ADARB2: variants seen among roughly 807,000 people sequenced by gnomAD.
The protein encoded by ADARB2 is inactive double-stranded RNA-specific editase B2.
In ADARB2, 25 loss-of-function variants were observed where a neutral mutation model predicts 62.2. The ratio of observed to expected loss-of-function variants is 0.40; its 90% CI spans 0.29 to 0.56. The LOEUF is 0.56. ADARB2 is among the 20% of genes least tolerant of loss of function. The pLI is 0.43. For missense variants in ADARB2, 1,071 were observed against 1,077.4 expected (o/e 0.99, Z 0.08); for synonymous variants, 572 against 500.8 (o/e 1.14, Z -1.90).
chr10:1,726,130 G>A lies in ADARB2; in HGVS notation c.100+10921C>T, dbSNP rs542229293. Among the ~76,000 whole-genome samples the A allele has an allele frequency of 1.4e-4, 22 of 152,302 alleles. No homozygotes were observed. In the South Asian group the frequency reaches 4.6e-3, roughly 32 times the overall value. On this transcript the variant is annotated intron_variant, in intron 1 of 9. Transcript: ENST00000381312. ...CCCAACTGCTGCAGCCAATATTCCTGTGGCCAAAAATGAGCAGAGCCTAGG... is the reference window on the plus strand; with the variant it reads ...CCCAACTGCTGCAGCCAATATTCCTATGGCCAAAAATGAGCAGAGCCTAGG...
chr10:1,218,153 A>T (rs972579967), intron 6 of ADARB2, among the ~76,000 whole-genome samples: 2 of 152,058 alleles, frequency 1.3e-5, no homozygotes, highest in Admixed American at 6.5e-5. Context: ...CAGGTTCAAG[A>T]GATTCTCCTG....
chr10:1,376,144 T>G (rs2131858314), intron 2 of ADARB2, among the ~76,000 whole-genome samples: 1 of 152,304 alleles, frequency 6.6e-6, no homozygotes, highest in Non-Finnish European at 1.5e-5. Flanking sequence ...TACAAATGGA[T>G]AAGGCCGCGC....
At chr10:1,194,144 A>G (rs1398594482) in intron 8 of ADARB2, among the ~76,000 whole-genome samples, 1 of 152,174 alleles carries the variant, frequency 6.6e-6, no homozygotes, top group Non-Finnish European at 1.5e-5. Context: ...GTAGCACCCA[A>G]CTAGATTAAC....
chr10:1,605,553 A>AC (rs1833484681), intron 1 of ADARB2, among the ~76,000 whole-genome samples: 3 of 152,192 alleles, frequency 2.0e-5, no homozygotes, highest in Admixed American at 2.0e-4. Context: ...CTTGTAACTT[A>AC]TTTTTAATAT....
At chr10:1,188,777 G>A (rs1405778571) in intron 8 of ADARB2, among the ~76,000 whole-genome samples, 1 of 152,214 alleles carries the variant, frequency 6.6e-6, no homozygotes, top group Non-Finnish European at 1.5e-5. Context: ...CTAATGTGCA[G>A]AGAAACGGAT....
chr10:1,683,821 G>T (rs1834568788), intron 1 of ADARB2, among the ~76,000 whole-genome samples: 1 of 152,240 alleles, frequency 6.6e-6, no homozygotes, highest in Non-Finnish European at 1.5e-5. Context: ...GCAAGGAAAA[G>T]AATCACATAA....
intron 8 of ADARB2, chr10:1,187,724 T>C: frequency 5.0e-6 from 1 of 201,040 alleles, no homozygotes. Flanking sequence ...GACGTGGGTG[T>C]GAACCCAGCA....
chr10:1,459,313 G>A (rs1831137443), intron 1 of ADARB2, among the ~76,000 whole-genome samples: 3 of 152,210 alleles, frequency 2.0e-5, no homozygotes, highest in South Asian at 2.1e-4. Context: ...GGAACATGTG[G>A]TACATATACA....
intron 1 of ADARB2, among the ~76,000 whole-genome samples, chr10:1,569,149 AGAGAGAGACAGAGATATATAAG>A (rs1469033708): frequency 6.6e-6 from 1 of 151,882 alleles, no homozygotes; most frequent in African/African-American, 2.4e-5. Flanking sequence ...ACAGAGAGTC[AGAGAGAGACAGAGATATATAAG>A]GAGAGGGACA....
At chr10:1,261,543 GA>G in intron 4 of ADARB2, among the ~76,000 whole-genome samples, 1 of 150,404 alleles carries the variant, frequency 6.6e-6, no homozygotes, top group South Asian at 2.1e-4. Context: ...AAAGACACAT[GA>G]AAAAATGCTC....
chr10:1,615,624 A>T (rs74644451), intron 1 of ADARB2, among the ~76,000 whole-genome samples: 4,857 of 152,274 alleles, frequency 0.032, 127 homozygotes, highest in South Asian at 0.077. Context: ...CACTGGAAGG[A>T]TGTGTTTCTT....
chr10:1,558,161 G>C (rs1832731415), intron 1 of ADARB2, among the ~76,000 whole-genome samples: 1 of 151,990 alleles, frequency 6.6e-6, no homozygotes, highest in South Asian at 2.1e-4. Flanking sequence ...CCCCCAGGCT[G>C]TGCCTGGGCA....
rs759566790 is a variant in ADARB2, at chr10:1,332,476, G to GTTTTTTT, written c.1077+30551_1077+30552insAAAAAAA. On this transcript the variant is annotated intron_variant, in intron 3 of 9. Transcript: ENST00000381312. ...TAGATAGACTGGCTAACTAGCATCA[G>GTTTTTTT]TTTTGTTTTTTTTTTTTTTGCCATC... Among the ~76,000 whole-genome samples, 23 of 130,366 alleles carry GTTTTTTT rather than the reference G, an allele frequency of 1.8e-4. 3 individuals carry two copies. Among genetic ancestry groups the GTTTTTTT allele is most frequent in the Non-Finnish European group, 2.7e-4 (17 of 63,658 alleles). The allele number at this position is 130,366 out of a possible 152,430, so 85.5% of individuals were successfully genotyped here.
chr10:1,276,194 C>T (rs1480932136), intron 3 of ADARB2, among the ~76,000 whole-genome samples: 12 of 152,200 alleles, frequency 7.9e-5, no homozygotes, highest in Non-Finnish European at 1.5e-4. Flanking sequence ...TTAATGATCA[C>T]CATTCTAACT....
intron 1 of ADARB2, among the ~76,000 whole-genome samples, chr10:1,391,696 TA>T (rs1564277587): frequency 6.6e-6 from 1 of 151,220 alleles, no homozygotes; most frequent in Admixed American, 6.6e-5. Flanking sequence ...TCATGTGAAA[TA>T]ACACATTGGC....
At chr10:1,199,214 A>ATC (rs572958700) in intron 8 of ADARB2, among the ~76,000 whole-genome samples, 2 of 150,582 alleles carry the variant, frequency 1.3e-5, no homozygotes, top group Non-Finnish European at 3.0e-5. Flanking sequence ...TCGGAAACCC[A>ATC]CCCCCCCGCT....
At chr10:1,428,464 T>A (rs1338028968) in intron 1 of ADARB2, among the ~76,000 whole-genome samples, 1 of 151,970 alleles carries the variant, frequency 6.6e-6, no homozygotes, top group Non-Finnish European at 1.5e-5. Flanking sequence ...TTTTTTTGTA[T>A]TTTTAGTAGA....
chr10:1,246,071 C>CT (rs1830983930), intron 4 of ADARB2, among the ~76,000 whole-genome samples: 3 of 151,708 alleles, frequency 2.0e-5, no homozygotes, highest in Non-Finnish European at 4.4e-5. Flanking sequence ...TTTTGATTTG[C>CT]ATTTTTCTGA....
At chr10:1,444,724 C>T (rs1207429085) in intron 1 of ADARB2, among the ~76,000 whole-genome samples, 1 of 150,014 alleles carries the variant, frequency 6.7e-6, no homozygotes, top group Admixed American at 6.6e-5. Flanking sequence ...ACCCACTCAT[C>T]CATCTATCTA....
Sources: gnomAD v4.1 joint callset for allele counts (sites outside exome capture counted in the v4.1 genomes callset) on GRCh38, gnomAD v4.1.1 for gene constraint, MANE v1.5 for transcripts, NCBI Gene and HGNC (gene_info 2026-07-23, HGNC 2026-07-21) for gene names.